Variants in DMXL1 observed in about 807,000 individuals in gnomAD.
DMXL1 encodes the protein dmX-like protein 1.
Under a neutral mutation model 319.2 loss-of-function variants are expected in DMXL1, and 99 were observed. That is an observed-to-expected ratio of 0.31 (90% confidence interval 0.26 to 0.37). DMXL1 has a LOEUF of 0.37. Ranked by LOEUF, DMXL1 falls within the 10% of genes least tolerant of loss-of-function variation. The probability of loss-of-function intolerance (pLI) is 1.00; values close to 1 mark genes in which losing one functional copy is unlikely to be tolerated. For synonymous variants in DMXL1, 1,385 were observed against 1,235.2 expected (o/e 1.12, Z -2.54); for missense variants, 3,745 against 3,595.6 (o/e 1.04, Z -1.06).
intron 31 of DMXL1, 89 bp from the exon 32 acceptor site, chr5:119,197,666 G>T (rs1427770947): frequency 6.0e-6 from 7 of 1,162,058 alleles, no homozygotes; most frequent in East Asian, 2.4e-5. Context: ...TCCTGCATCT[G>T]CTCTCCCCTC....
chr5:119,178,383 C>T (rs1776214206), intron 28 of DMXL1, 139 bp downstream of exon 28: 5 of 1,000,578 alleles, frequency 5.0e-6, no homozygotes, highest in Non-Finnish European at 7.1e-6. Context: ...AATAGTCATA[C>T]AGTGAAAATG....
At chr5:119,224,878 T>C (rs1785254637) in intron 38 of DMXL1, 109 bp downstream of exon 38, 1 of 452,552 alleles carries the variant, frequency 2.2e-6, no homozygotes, top group Non-Finnish European at 3.9e-6. Flanking sequence ...TGAAAGCATT[T>C]ATTTGACTTT....
At chr5:119,104,421 G>A (rs1757903652) in intron 3 of DMXL1, 1 of 152,114 alleles carries the variant, frequency 6.6e-6, no homozygotes, top group Non-Finnish European at 1.5e-5. Flanking sequence ...GAATTTTTGG[G>A]CACAGGTCTC....
chr5:119,073,399 T>G (rs1432361960), intron 1 of DMXL1, among the ~76,000 whole-genome samples: 1 of 152,156 alleles, frequency 6.6e-6, no homozygotes, highest in African/African-American at 2.4e-5. Flanking sequence ...ACAATCTATG[T>G]AAGCAGTGGT....
chr5:119,112,176 T>C (rs546387973), intron 5 of DMXL1, among the ~76,000 whole-genome samples: 34 of 152,270 alleles, frequency 2.2e-4, no homozygotes, highest in African/African-American at 7.9e-4. Flanking sequence ...TTAGCCATGA[T>C]GGTCTCAATC....
chr5:119,115,347 A>C (rs1051890461), intron 6 of DMXL1, among the ~76,000 whole-genome samples: 2 of 152,214 alleles, frequency 1.3e-5, no homozygotes, highest in Non-Finnish European at 2.9e-5. Flanking sequence ...AGATACTAGT[A>C]ACCATTTCTT....
At chr5:119,140,353 AATAAG>A (rs1284316476) in intron 13 of DMXL1, among the ~76,000 whole-genome samples, 2 of 152,228 alleles carry the variant, frequency 1.3e-5, no homozygotes, top group Non-Finnish European at 2.9e-5. Context: ...TGAAAAGATT[AATAAG>A]ATAAGTACGT....
At chr5:119,209,292 A>G (rs1038116033) in intron 34 of DMXL1, among the ~76,000 whole-genome samples, 2 of 152,108 alleles carry the variant, frequency 1.3e-5, no homozygotes, top group African/African-American at 4.8e-5. Flanking sequence ...ATATTTTCCA[A>G]GGTGGTTGTA....
rs189232806 is a variant in DMXL1 at position 119,246,686 on chromosome 5, C to T, written c.8923-309C>T. On this transcript the variant is annotated intron_variant, in intron 43 of 43. Transcript: ENST00000539542. ...TTCACTCTTGTTGCCCAGGCTGGAG[C>T]GCAATGGTGTGATCTTGGGTCACTA... 7.6e-4 allele frequency among the ~76,000 whole-genome samples: 105 copies of T among 138,266 alleles called. 3 individuals carry two copies. The East Asian group carries it at 0.016, about 22-fold the overall frequency. 90.7% of individuals were successfully genotyped at this position (138,266 alleles called of 152,430 possible). A position where few individuals can be genotyped will look rare whatever the true frequency, so the allele number is the denominator to read the frequency against.
intron 19 of DMXL1, chr5:119,154,499 C>G (rs1770570244): frequency 6.5e-6 from 1 of 154,682 alleles, no homozygotes; most frequent in African/African-American, 2.4e-5. Context: ...TAATCCAGAA[C>G]AAGGCTGTAA....
intron 3 of DMXL1, among the ~76,000 whole-genome samples, chr5:119,103,455 A>G (rs1218856710): frequency 3.3e-5 from 5 of 152,252 alleles, no homozygotes. Flanking sequence ...AGTAGGCTCA[A>G]AGAATATAGT....
At position 119,071,326 on chromosome 5, in the gene DMXL1, C is replaced by G. The variant is rs1749482892; in HGVS notation, c.-244C>G. ...TCACCTGGGCTAGCGCGGGGAGTGA[C>G]AGGTGCGCGAAGGAGCGCGGCGCTC... On this transcript the variant is annotated 5_prime_UTR_variant, in exon 1 of 44. Transcript: ENST00000539542. 3.9e-6 allele frequency: 2 copies of G among 512,192 alleles called. No individual in the cohort carries two copies. The highest frequency in any genetic ancestry group is 3.8e-5 in the East Asian group (1 of 26,446). The allele number at this position is 512,192 out of a possible 1,614,324, so 31.7% of individuals were successfully genotyped here. A position where few individuals can be genotyped will look rare whatever the true frequency, so the allele number is the denominator to read the frequency against.
Position 119,216,917 on chromosome 5 carries a change from G to T in DMXL1, c.7943G>T (p.Gly2648Val), listed in dbSNP as rs748788472. Residue 2648 changes from glycine (G) to valine (V), a missense_variant, in exon 35 of 44, where the codon GGA becomes GTA. By Grantham distance (109) the Gly-to-Val change is moderately radical (BLOSUM62 -3). Transcript: ENST00000539542. ...TTTATTTAGATAGAAGCAGATTTGG[G>T]ATATCCTGGAGGTAAAGCAAGAATT... is the stretch of plus-strand genomic sequence containing the variant. ...PNINKIEADL[G>V]YPGGKARIIH... 5 of 1,595,970 alleles carry T rather than the reference G, an allele frequency of 3.1e-6. No homozygotes were observed. The highest frequency in any genetic ancestry group is 3.5e-5 in the Admixed American group (2 of 57,478).
In DMXL1 at chr5:119,134,100, G is replaced by T; in HGVS notation, c.2176G>T (p.Ala726Ser). The T allele has an allele frequency of 1.2e-6, 2 of 1,614,058 alleles. No homozygotes were observed. Among genetic ancestry groups the T allele is most frequent in the South Asian group, 1.1e-5 (1 of 91,084 alleles). ...TTTTTCTGGAGGAGTTTCTGAGCTT[G>T]CCCGGATTAATTCTCTTCATGTTTC... ...LSFSGGVSEL[A>S]RINSLHVSAF... is the part of the protein sequence containing the mutation. The change falls in exon 12 of 44, where the codon GCC becomes TCC. Residue 726 changes from alanine to serine, a missense_variant. Transcript: ENST00000539542.
At chr5:119,084,121 CT>C (rs967057299) in intron 1 of DMXL1, among the ~76,000 whole-genome samples, 11 of 151,708 alleles carry the variant, frequency 7.3e-5, no homozygotes, top group South Asian at 4.2e-4. Context: ...TATTCCCCCC[CT>C]CACCCCTTTT....
chr5:119,177,092 AT>A (rs1775944814), intron 26 of DMXL1, among the ~76,000 whole-genome samples: 1 of 152,104 alleles, frequency 6.6e-6, no homozygotes, highest in African/African-American at 2.4e-5. Flanking sequence ...CAAATATGTA[AT>A]CTTGCTACTT....
chr5:119,212,186 T>C (rs996410071), intron 34 of DMXL1, among the ~76,000 whole-genome samples: 3 of 152,192 alleles, frequency 2.0e-5, no homozygotes, highest in African/African-American at 4.8e-5. Flanking sequence ...ACTGAAACTT[T>C]GTGCCCGCTA....
At chr5:119,071,793 G>C in intron 1 of DMXL1, 137 bp downstream of exon 1, 1 of 710,988 alleles carries the variant, frequency 1.4e-6, no homozygotes, top group Non-Finnish European at 2.3e-6. Flanking sequence ...GAACCCAGCA[G>C]ACCTGGCCCT....
rs749560599 is a variant in DMXL1, at chr5:119,150,210, A to C, written c.4383A>C (p.Thr1461=). 3 of 1,613,714 alleles carry C rather than the reference A, an allele frequency of 1.9e-6. No homozygotes were observed. The highest frequency in any genetic ancestry group is 2.2e-5 in the East Asian group (1 of 44,878). Residue 1461 remains threonine, a synonymous_variant, in exon 18 of 44, where the codon ACA becomes ACC. Transcript: ENST00000539542. ...TGACTGATACTCATATGTTAGAGAC[A>C]GATGAAGAAAATACAAAGCCTAGAG... ...LLMTDTHMLE[T]DEENTKPRVI...
Sources: gnomAD v4.1 joint callset for allele counts (sites outside exome capture counted in the v4.1 genomes callset) on GRCh38, gnomAD v4.1.1 for gene constraint, MANE v1.5 for transcripts, NCBI Gene and HGNC (gene_info 2026-07-23, HGNC 2026-07-21) for gene names.